Variants in RBM38 observed in about 807,000 individuals in gnomAD.
RBM38 encodes the protein RNA binding motif protein 38.
RBM38 carries 11 observed loss-of-function variants against 23.5 expected under a neutral mutation model. That is an observed-to-expected ratio of 0.47 (90% confidence interval 0.29 to 0.77). The LOEUF (loss-of-function observed/expected upper bound fraction) is 0.77, where lower values mean the gene tolerates loss of function less well. Among genes scored for constraint, RBM38 ranks in the 30% least tolerant of loss-of-function variants. The pLI is 0.08. For missense variants in RBM38, 330 were observed against 351.9 expected (o/e 0.94, Z 0.50); for synonymous variants, 165 against 166.1 (o/e 0.99, Z 0.05).
Position 57,407,426 on chromosome 20 carries a change from C to G in RBM38, c.417-117C>G. On this transcript the variant is annotated intron_variant, in intron 3 of 3. Coordinates refer to ENST00000356208, the MANE Select transcript of RBM38 (RefSeq NM_017495.6). This position sits in a 1 kb window ranked among gnomAD's most constrained non-coding sequence, Gnocchi z 4.0. ...GGTGCTGTTTCTGTGCCCATCTGAC[C>G]GATGAGGAAAGTCGGGGCTCGGGGT... 8.4e-7 allele frequency: 1 copy of G among 1,197,596 alleles called. No homozygotes were observed. Among genetic ancestry groups the G allele is most frequent in the Non-Finnish European group, 1.2e-6 (1 of 845,726 alleles). 74.2% of individuals were successfully genotyped at this position (1,197,596 alleles called of 1,614,324 possible). A position where few individuals can be genotyped will look rare whatever the true frequency, so the allele number is the denominator to read the frequency against.
chr20:57,399,781 C>T, intron 3 of RBM38: 1 of 421,156 alleles, frequency 2.4e-6, no homozygotes, highest in Non-Finnish European at 4.8e-6. Flanking sequence ...TCCTGCCTGC[C>T]AGGCGCCTCG....
At chr20:57,406,011 G>T (rs1006189437) in intron 3 of RBM38, among the ~76,000 whole-genome samples, 1 of 152,218 alleles carries the variant, frequency 6.6e-6, no homozygotes, top group African/African-American at 2.4e-5. Context: ...CTGCCTACAG[G>T]TCAGAAGGAA....
At position 57,393,462 on chromosome 20, in the gene RBM38, G is replaced by A. The variant is rs879201527; in HGVS notation, c.416+129G>A. The A allele has an allele frequency of 1.3e-5, 14 of 1,045,794 alleles. No homozygotes were observed. In the South Asian group the frequency reaches 1.4e-4, roughly 11 times the overall value. 64.8% of individuals were successfully genotyped at this position (1,045,794 alleles called of 1,614,324 possible). On this transcript the variant is annotated intron_variant, in intron 3 of 3. Coordinates refer to ENST00000356208, the MANE Select transcript of RBM38 (RefSeq NM_017495.6). ...ACATTTGATTGCGTTTAAGCCAAGG[G>A]AGTGAAGAGAAGGCAGATTGCACTT...
At chr20:57,395,787 G>A (rs2067268891) in intron 3 of RBM38, among the ~76,000 whole-genome samples, 1 of 149,688 alleles carries the variant, frequency 6.7e-6, no homozygotes, top group Admixed American at 6.6e-5. Context: ...GAGCTGGAGA[G>A]CTGGGCCGTC....
At chr20:57,399,653 G>T (rs571623817) in intron 3 of RBM38, among the ~76,000 whole-genome samples, 1 of 152,194 alleles carries the variant, frequency 6.6e-6, no homozygotes, top group African/African-American at 2.4e-5. Context: ...CACAGAGAGG[G>T]CGTTCGACCT....
In RBM38 at chr20:57,399,965, C is replaced by T. The variant is rs114324431; in HGVS notation, c.416+6632C>T. 3.5e-3 allele frequency: 1,603 copies of T among 456,302 alleles called. 18 individuals carry two copies. Among genetic ancestry groups the T allele is most frequent in the African/African-American group, 0.029 (1,443 of 50,198 alleles). The allele number at this position is 456,302 out of a possible 1,614,324, so 28.3% of individuals were successfully genotyped here. A position where few individuals can be genotyped will look rare whatever the true frequency, so the allele number is the denominator to read the frequency against. ...GTTCAGAAAATGAGTCCTCCTGGGC[C>T]GTGGTCAGTTCTTTTCGCTGCGAGT... On this transcript the variant is annotated intron_variant, in intron 3 of 3. Transcript: ENST00000356208.
At chr20:57,406,346 G>T (rs1191779770) in intron 3 of RBM38, among the ~76,000 whole-genome samples, 1 of 152,206 alleles carries the variant, frequency 6.6e-6, no homozygotes, top group Non-Finnish European at 1.5e-5. Context: ...CAGGCAGGAA[G>T]TGTTGGCCTC....
In RBM38 at chr20:57,407,624, C is replaced by G; in HGVS notation, c.498C>G (p.Ser166=). The change falls in exon 4 of 4, where the codon TCC becomes TCG. Residue 166 remains serine, a synonymous_variant. Coordinates refer to ENST00000356208, the MANE Select transcript of RBM38 (RefSeq NM_017495.6). The surrounding 1 kb of genome is among the most constrained non-coding windows in gnomAD (Gnocchi z 4.0). ...CAGCCGCCCCTGTCCCGTCGCTGTC[C>G]TCGCCCTACATTGAGTACACGCCGG... ...VIPAAPVPSL[S]SPYIEYTPAS... is the part of the protein sequence containing the mutation. The G allele has an allele frequency of 6.2e-7, 1 of 1,613,732 alleles. No individual in the cohort carries two copies. The highest frequency in any genetic ancestry group is 8.5e-7 in the Non-Finnish European group (1 of 1,179,858).
At chr20:57,400,382 C>T (rs1223156300) in intron 3 of RBM38, among the ~76,000 whole-genome samples, 1 of 152,142 alleles carries the variant, frequency 6.6e-6, no homozygotes, top group Non-Finnish European at 1.5e-5. Flanking sequence ...GGCTCGGGGT[C>T]CCCCTGTCCT....
chr20:57,396,254 C>T, intron 3 of RBM38, among the ~76,000 whole-genome samples: 1 of 152,230 alleles, frequency 6.6e-6, no homozygotes, highest in Non-Finnish European at 1.5e-5. Flanking sequence ...TGGCCACTGT[C>T]CGCGGTTTGG....
chr20:57,407,604 G>A lies in RBM38; in HGVS notation c.478G>A (p.Ala160Thr), dbSNP rs766651552. The change falls in exon 4 of 4, where the codon GCC (alanine) becomes ACC (threonine). Residue 160 changes from alanine to threonine, a missense_variant. Coordinates refer to ENST00000356208, the MANE Select transcript of RBM38 (RefSeq NM_017495.6). The surrounding 1 kb of genome is among the most constrained non-coding windows in gnomAD (Gnocchi z 4.0). ...GCAGCCCAGCGTGGTGATCCCAGCCGCCCCTGTCCCGTCGCTGTCCTCGCC... is the reference window on the plus strand; with the variant it reads ...GCAGCCCAGCGTGGTGATCCCAGCCACCCCTGTCCCGTCGCTGTCCTCGCC... The part of the protein sequence containing the change: ...IVQPSVVIPA[A>T]PVPSLSSPYI... The A allele has an allele frequency of 9.3e-6, 15 of 1,613,520 alleles. No homozygotes were observed. The highest frequency in any genetic ancestry group is 5.0e-5 in the Admixed American group (3 of 59,988).
At chr20:57,393,086 CCTGCGTCA>C in intron 2 of RBM38, 185 bp from the exon 3 acceptor site, 1 of 655,088 alleles carries the variant, frequency 1.5e-6, no homozygotes, top group Non-Finnish European at 2.7e-6. Flanking sequence ...GCTGCTGACA[CCTGCGTCA>C]CTCACTGCCA....
chr20:57,392,477 T>G, intron 1 of RBM38, 177 bp from the exon 2 acceptor site: 2 of 1,534,132 alleles, frequency 1.3e-6, no homozygotes, highest in Non-Finnish European at 1.7e-6. Flanking sequence ...GAGGCATCTT[T>G]GTGGGAGAGC....
rs1301854374 is a variant in RBM38, at chr20:57,408,696, G to A, written c.*850G>A. 1 of 150,502 alleles carries A rather than the reference G, an allele frequency of 6.6e-6. No individual in the cohort carries two copies. Among genetic ancestry groups the A allele is most frequent in the Non-Finnish European group, 1.5e-5 (1 of 67,560 alleles). The allele number at this position is 150,502 out of a possible 1,614,324, so 9.3% of individuals were successfully genotyped here. On this transcript the variant is annotated 3_prime_UTR_variant, in exon 4 of 4. Transcript: ENST00000356208. ...TCGCGGGCCAGGATCCTCTCGGTGG[G>A]ATGGGCACCACAGACAGGAGGCCCC... is the stretch of plus-strand genomic sequence containing the variant.
chr20:57,408,041 A>C lies in RBM38; in HGVS notation c.*195A>C, dbSNP rs1191631006. ...ACGGCTTCTCTTTAATCTAGGTCCC[A>C]TTGTGTCTTGAGGGAGGACTTTAAG... On this transcript the variant is annotated 3_prime_UTR_variant, in exon 4 of 4. Coordinates refer to ENST00000356208, the MANE Select transcript of RBM38 (RefSeq NM_017495.6). 3.1e-6 allele frequency: 2 copies of C among 654,860 alleles called. No homozygotes were observed. Among genetic ancestry groups the C allele is most frequent in the East Asian group, 5.5e-5 (2 of 36,460 alleles). 40.6% of individuals were successfully genotyped at this position (654,860 alleles called of 1,614,324 possible).
intron 3 of RBM38, among the ~76,000 whole-genome samples, chr20:57,401,726 C>G (rs1600754132): frequency 6.6e-6 from 1 of 152,146 alleles, no homozygotes; most frequent in African/African-American, 2.4e-5. Flanking sequence ...TGCATAGGTG[C>G]GAAGGTCCTG....
intron 3 of RBM38, among the ~76,000 whole-genome samples, chr20:57,397,915 A>G (rs896459155): frequency 7.2e-5 from 11 of 152,332 alleles, no homozygotes; most frequent in African/African-American, 2.4e-4. Flanking sequence ...GGGACGGAAC[A>G]GTTCCGCGTC....
rs1177357269 is a variant in RBM38 at position 57,391,779 on chromosome 20, C to T, written c.198C>T (p.Ile66=). 3 of 1,570,932 alleles carry T rather than the reference C, an allele frequency of 1.9e-6. No individual in the cohort carries two copies. The highest frequency in any genetic ancestry group is 2.8e-5 in the African/African-American group (2 of 71,934). Residue 66 remains isoleucine (I), a synonymous_variant, in exon 1 of 4, where the codon ATC becomes ATT. Transcript: ENST00000356208. ...GFGDIEEAVV[I]TDRQTGKSRG... ...GCGACATCGAGGAGGCCGTGGTCAT[C>T]ACCGACCGCCAGACGGGCAAGTCCC...
At chr20:57,394,743 A>G (rs1790278109) in intron 3 of RBM38, among the ~76,000 whole-genome samples, 1 of 151,912 alleles carries the variant, frequency 6.6e-6, no homozygotes, top group African/African-American at 2.4e-5. Context: ...CCACATGAAG[A>G]GGGTGTTCCT....
Sources: allele counts gnomAD v4.1 joint callset (sites outside exome capture counted in the v4.1 genomes callset), GRCh38; gene constraint gnomAD v4.1.1; non-coding constraint Gnocchi (gnomAD v3.1); transcripts MANE v1.5; gene names NCBI Gene and HGNC (gene_info 2026-07-23, HGNC 2026-07-21).